Variants in PLPPR1 observed in about 807,000 individuals in gnomAD.
The protein encoded by PLPPR1 is phospholipid phosphatase-related protein type 1.
A neutral mutation model predicts 33.1 loss-of-function variants in PLPPR1; 10 were observed. The ratio of observed to expected loss-of-function variants is 0.30; its 90% CI spans 0.19 to 0.51. The LOEUF is 0.51. Ranked by LOEUF, PLPPR1 falls within the 20% of genes least tolerant of loss-of-function variation. The pLI is 0.97. For missense variants in PLPPR1, 304 were observed against 408.1 expected, an observed-to-expected ratio of 0.74 and a Z score of 2.20; for synonymous variants, 151 against 151.0, an observed-to-expected ratio of 1.00 and a Z score of 0.00.
intron 6 of PLPPR1, among the ~76,000 whole-genome samples, chr9:101,313,784 T>C (rs1202699170): frequency 1.3e-5 from 2 of 152,232 alleles, no homozygotes; most frequent in Non-Finnish European, 2.9e-5. Context: ...ACATCAAGTA[T>C]ACAATTTGAT....
chr9:101,234,183 G>A (rs541026881), intron 2 of PLPPR1, among the ~76,000 whole-genome samples: 1 of 151,738 alleles, frequency 6.6e-6, no homozygotes, highest in African/African-American at 2.4e-5. Context: ...CCTTTTCCAC[G>A]TGTCATCAAC....
intron 1 of PLPPR1, among the ~76,000 whole-genome samples, chr9:101,140,346 TAG>T (rs1237119467): frequency 6.6e-6 from 1 of 152,218 alleles, no homozygotes; most frequent in African/African-American, 2.4e-5. Flanking sequence ...TACTGTGTAC[TAG>T]ACTCTGGTTG....
chr9:101,211,255 C>T (rs775171297), intron 2 of PLPPR1, among the ~76,000 whole-genome samples: 1 of 152,148 alleles, frequency 6.6e-6, no homozygotes, highest in Non-Finnish European at 1.5e-5. Context: ...TCAACCGGGC[C>T]TTGGTGTTCT....
intron 1 of PLPPR1, among the ~76,000 whole-genome samples, chr9:101,148,446 C>G (rs1357738044): frequency 6.6e-6 from 1 of 152,198 alleles, no homozygotes; most frequent in Non-Finnish European, 1.5e-5. Context: ...ATCTCATTTT[C>G]AGCCATTTGT....
intron 1 of PLPPR1, among the ~76,000 whole-genome samples, chr9:101,134,893 T>C (rs1265300031): frequency 6.6e-6 from 1 of 152,004 alleles, no homozygotes; most frequent in Non-Finnish European, 1.5e-5. Context: ...GGGCAAATAG[T>C]GGGACGTGGG....
intron 1 of PLPPR1, among the ~76,000 whole-genome samples, chr9:101,118,741 A>G (rs1335454395): frequency 1.3e-5 from 2 of 152,144 alleles, no homozygotes; most frequent in East Asian, 1.9e-4. Flanking sequence ...CCACAGTCCT[A>G]ATTAATTGTC....
At chr9:101,223,935 TTTC>T in intron 2 of PLPPR1, among the ~76,000 whole-genome samples, 1 of 152,114 alleles carries the variant, frequency 6.6e-6, no homozygotes, top group South Asian at 2.1e-4. Context: ...TAGTTTTTAG[TTTC>T]TTTTTAAAAT....
intron 2 of PLPPR1, among the ~76,000 whole-genome samples, chr9:101,247,411 T>C (rs1827631351): frequency 6.6e-6 from 1 of 152,006 alleles, no homozygotes; most frequent in Non-Finnish European, 1.5e-5. Context: ...AGAGGCGAAT[T>C]TGCACAGCCA....
intron 1 of PLPPR1, among the ~76,000 whole-genome samples, chr9:101,167,398 G>A (rs914972838): frequency 6.6e-6 from 1 of 150,926 alleles, no homozygotes; most frequent in African/African-American, 2.4e-5. Context: ...GACCATAAAG[G>A]GCTGTCTAAT....
At chr9:101,245,702 A>T (rs1321420279) in intron 2 of PLPPR1, among the ~76,000 whole-genome samples, 4 of 151,920 alleles carry the variant, frequency 2.6e-5, no homozygotes, top group Admixed American at 2.6e-4. Context: ...GAACCACAAA[A>T]AAGTTACTTG....
Position 101,309,418 on chromosome 9 carries a change from C to G in PLPPR1, c.593C>G (p.Ser198Cys). Residue 198 changes from serine (S) to cysteine (C), a missense_variant, in exon 5 of 8, where the codon TCC (serine) becomes TGC (cysteine). Coordinates refer to ENST00000374874, the MANE Select transcript of PLPPR1 (RefSeq NM_207299.2). ...VIEKARRSFP[S>C]KHAALSIYSA... The stretch of plus-strand genomic sequence containing the variant: ...GAAAAGGCTCGGAGATCCTTTCCCT[C>G]CAAACACGCTGCTCTGAGCATTTAC... 6.2e-7 allele frequency: 1 copy of G among 1,614,100 alleles called. No individual in the cohort carries two copies. The highest frequency in any genetic ancestry group is 8.5e-7 in the Non-Finnish European group (1 of 1,180,026).
intron 3 of PLPPR1, among the ~76,000 whole-genome samples, chr9:101,274,155 G>A (rs1353100342): frequency 6.6e-6 from 1 of 152,128 alleles, no homozygotes; most frequent in Non-Finnish European, 1.5e-5. Flanking sequence ...ATGAAACCCC[G>A]ATTCAGCTTT....
intron 1 of PLPPR1, among the ~76,000 whole-genome samples, chr9:101,155,590 T>TTC (rs933499602): frequency 2.7e-5 from 4 of 147,792 alleles, no homozygotes; most frequent in African/African-American, 4.9e-5. Flanking sequence ...TAAATTTCTT[T>TTC]TCTCTCTCTC....
intron 1 of PLPPR1, among the ~76,000 whole-genome samples, chr9:101,136,245 CTACTTGTA>C (rs1831375846): frequency 6.6e-6 from 1 of 152,188 alleles, no homozygotes; most frequent in East Asian, 1.9e-4. Flanking sequence ...ATCTGATATA[CTACTTGTA>C]TGTTGCAAAT....
At chr9:101,287,155 T>A (rs1828407041) in intron 4 of PLPPR1, among the ~76,000 whole-genome samples, 1 of 152,200 alleles carries the variant, frequency 6.6e-6, no homozygotes, top group Admixed American at 6.5e-5. Context: ...AAAGAAATAG[T>A]GCAGTGGGAA....
chr9:101,149,516 G>C (rs1446097144), intron 1 of PLPPR1, among the ~76,000 whole-genome samples: 1 of 152,146 alleles, frequency 6.6e-6, no homozygotes, highest in Non-Finnish European at 1.5e-5. Flanking sequence ...TTCCATACCT[G>C]GCTTACACTA....
chr9:101,047,850 G>C (rs1435711829), intron 1 of PLPPR1, among the ~76,000 whole-genome samples: 1 of 152,088 alleles, frequency 6.6e-6, no homozygotes, highest in African/African-American at 2.4e-5. Context: ...CTTCAATTTT[G>C]TTTTCTACCC....
chr9:101,031,599 G>T (rs1353271850), intron 1 of PLPPR1, among the ~76,000 whole-genome samples: 2 of 152,154 alleles, frequency 1.3e-5, no homozygotes, highest in African/African-American at 4.8e-5. Context: ...AGTAAAAAAT[G>T]GTCCCAATCA....
At chr9:101,045,515 G>A (rs1055248400) in intron 1 of PLPPR1, among the ~76,000 whole-genome samples, 1 of 152,172 alleles carries the variant, frequency 6.6e-6, no homozygotes, top group East Asian at 1.9e-4. Flanking sequence ...ATTGGCAATA[G>A]GTAGGGAGAG....
Sources: gnomAD v4.1 joint callset for allele counts (sites outside exome capture counted in the v4.1 genomes callset) on GRCh38, gnomAD v4.1.1 for gene constraint, MANE v1.5 for transcripts, NCBI Gene and HGNC (gene_info 2026-07-23, HGNC 2026-07-21) for gene names.